Variants in APC observed in about 807,000 individuals in gnomAD.
APC encodes APC regulator of Wnt signaling pathway.
In APC, 72 loss-of-function variants were observed where a neutral mutation model predicts 247.0. That is an observed-to-expected ratio of 0.29 (90% confidence interval 0.24 to 0.35). The LOEUF is 0.35. Ranked by LOEUF, APC falls within the 10% of genes least tolerant of loss-of-function variation. The pLI is 1.00. For synonymous variants in APC, 1,254 were observed against 1,162.5 expected (o/e 1.08, Z -1.60); for missense variants, 3,400 against 3,360.7 (o/e 1.01, Z -0.29).
chr5:112,760,381 C>T (rs1175248418), intron 2 of APC, among the ~76,000 whole-genome samples: 1 of 152,146 alleles, frequency 6.6e-6, no homozygotes, highest in Non-Finnish European at 1.5e-5. Flanking sequence ...CAGGCGAAGT[C>T]CTGCTAGAGG....
At position 112,727,482 on chromosome 5, in the gene APC, A is replaced by G. The variant is rs1219211855; in HGVS notation, c.165+19600A>G. Among the ~76,000 whole-genome samples, 3 of 152,324 alleles carry G rather than the reference A, an allele frequency of 2.0e-5. No homozygotes were observed. In the East Asian group the frequency reaches 5.8e-4, roughly 29 times the overall value. On this transcript the variant is annotated intron_variant, in intron 1 of 13. Coordinates refer to the APC transcript ENST00000507379. ...GCTTTGGTTTCAAGTTCTAAATGCC[A>G]TTACTATGCCCTATATTTATTCTTT...
At chr5:112,812,200 A>T (rs1237636320) in intron 8 of APC, among the ~76,000 whole-genome samples, 1 of 152,198 alleles carries the variant, frequency 6.6e-6, no homozygotes, top group African/African-American at 2.4e-5. Flanking sequence ...AGGGGAAGGG[A>T]TTACAAAAAC....
At chr5:112,809,121 G>A (rs1373926824) in intron 8 of APC, among the ~76,000 whole-genome samples, 4 of 151,944 alleles carry the variant, frequency 2.6e-5, no homozygotes, top group Non-Finnish European at 5.9e-5. Context: ...GGAAGCAAAG[G>A]CAGGTGGATC....
chr5:112,810,486 C>G (rs559978462), intron 8 of APC, among the ~76,000 whole-genome samples: 18 of 152,106 alleles, frequency 1.2e-4, no homozygotes, highest in Non-Finnish European at 2.4e-4. Context: ...ACAAGGGAAA[C>G]AAAAAGATGG....
Position 112,707,958 on chromosome 5 carries a change from C to T in APC, c.165+76C>T, listed in dbSNP as rs913537999. The T allele has an allele frequency of 5.5e-6, 7 of 1,274,542 alleles. No individual in the cohort carries two copies. In the African/African-American group the frequency reaches 1.0e-4, roughly 19 times the overall value. The allele number at this position is 1,274,542 out of a possible 1,614,324, so 79.0% of individuals were successfully genotyped here. A position where few individuals can be genotyped will look rare whatever the true frequency, so the allele number is the denominator to read the frequency against. On this transcript the variant is annotated intron_variant, in intron 1 of 13. Coordinates refer to the APC transcript ENST00000507379. ...CTTTGCCCCGCCGCTGCTCGGGACC[C>T]TACGGTGCTCGGCCCGACTCTGTGG...
chr5:112,776,324 A>C (rs1423167101), intron 5 of APC, among the ~76,000 whole-genome samples: 1 of 152,228 alleles, frequency 6.6e-6, no homozygotes, highest in African/African-American at 2.4e-5. Context: ...TAAAACATAT[A>C]CTGAAAAGAT....
chr5:112,780,908 G>A lies in APC; in HGVS notation c.645+5G>A. 6.3e-7 allele frequency: 1 copy of A among 1,575,606 alleles called. No homozygotes were observed. Among genetic ancestry groups the A allele is most frequent in the Non-Finnish European group, 8.7e-7 (1 of 1,146,670 alleles). On this transcript the variant is annotated splice_donor_5th_base_variant and intron_variant, in intron 6 of 15. Coordinates refer to ENST00000257430, the MANE Select transcript of APC (RefSeq NM_000038.6). ...GATATGGAAAAACGAGCACAGGTAA[G>A]TTACTTGTTTCTAAGTGATAAAACA...
At position 112,792,464 on chromosome 5, in the gene APC, C is replaced by A; in HGVS notation, c.664C>A (p.Gln222Lys). The change falls in exon 7 of 16, where the codon CAG becomes AAG. Residue 222 changes from glutamine to lysine, a missense_variant. This residue lies in a region of APC where 372 missense variants were observed against 367.6 expected (regional missense o/e 1.01). Transcript: ENST00000257430. ...KRAQRRIARI[Q>K]QIEKDILRIR... ...ATTTTAGCGAAGAATAGCCAGAATTCAGCAAATCGAAAAGGACATACTTCG... is the reference window on the plus strand; with the variant it reads ...ATTTTAGCGAAGAATAGCCAGAATTAAGCAAATCGAAAAGGACATACTTCG... The A allele has an allele frequency of 1.2e-6, 2 of 1,610,438 alleles. No homozygotes were observed. The highest frequency in any genetic ancestry group is 2.2e-5 in the South Asian group (2 of 90,524).
At chr5:112,811,402 A>T (rs2431508) in intron 8 of APC, among the ~76,000 whole-genome samples, 2 of 152,132 alleles carry the variant, frequency 1.3e-5, no homozygotes, top group African/African-American at 4.8e-5. Flanking sequence ...TTTCTTGTGG[A>T]TAGGGAGACT....
At position 112,841,872 on chromosome 5, in the gene APC, C is replaced by G; in HGVS notation, c.6278C>G (p.Ser2093Cys). 1 of 1,613,864 alleles carries G rather than the reference C, an allele frequency of 6.2e-7. No individual in the cohort carries two copies. Among genetic ancestry groups the G allele is most frequent in the Non-Finnish European group, 8.5e-7 (1 of 1,179,834 alleles). The part of the protein sequence containing the change: ...IQRPDSEHGL[S>C]PDSENFDWKA... ...AGACCAGATTCAGAACATGGTCTAT[C>G]CCCTGATTCAGAAAATTTTGATTGG... The change falls in exon 16 of 16, where the codon TCC becomes TGC. Residue 2093 changes from serine (S) to cysteine (C), a missense_variant. Around this residue, in one of 9 missense-constraint regions of APC, gnomAD observed 1,788 missense variants for 1,649.5 expected, o/e 1.08. Transcript: ENST00000257430. This position sits in a 1 kb window ranked among gnomAD's most constrained non-coding sequence, Gnocchi z 4.6.
At chr5:112,806,152 C>G (rs183847001) in intron 8 of APC, among the ~76,000 whole-genome samples, 5 of 152,298 alleles carry the variant, frequency 3.3e-5, no homozygotes, top group South Asian at 4.1e-4. Context: ...GCTTAAGCAC[C>G]AGTTTCTCAG....
chr5:112,818,855 G>GGTGTTTTGTTTTTT, intron 9 of APC, 111 bp from the exon 10 acceptor site: 7 of 1,118,292 alleles, frequency 6.3e-6, no homozygotes, highest in South Asian at 4.1e-5. Flanking sequence ...GGCGGGGGGG[G>GGTGTTTTGTTTTTT]TTGTTTTGTT....
In APC at chr5:112,707,695, C is replaced by T. The variant is rs747101141; in HGVS notation, c.-23C>T. 7.3e-7 allele frequency: 1 copy of T among 1,370,630 alleles called. No individual in the cohort carries two copies. The highest frequency in any genetic ancestry group is 1.2e-5 in the South Asian group (1 of 81,726). 84.9% of individuals were successfully genotyped at this position (1,370,630 alleles called of 1,614,324 possible). A position where few individuals can be genotyped will look rare whatever the true frequency, so the allele number is the denominator to read the frequency against. ...TGAGGAAGGTGAAGCACTCAGTTGCCTTCTCGGGCCTCGGCGCCCCCTATG... is the reference window on the plus strand; with the variant it reads ...TGAGGAAGGTGAAGCACTCAGTTGCTTTCTCGGGCCTCGGCGCCCCCTATG... On this transcript the variant is annotated 5_prime_UTR_variant, in exon 1 of 14. Transcript: ENST00000507379.
rs370876773 is a variant in APC, at chr5:112,737,994, T to G, written c.-19+69T>G. 8.5e-5 allele frequency: 80 copies of G among 936,056 alleles called. No homozygotes were observed. In the South Asian group the frequency reaches 3.7e-3, roughly 43 times the overall value. 58.0% of individuals were successfully genotyped at this position (936,056 alleles called of 1,614,324 possible). On this transcript the variant is annotated intron_variant, in intron 1 of 15. Coordinates refer to ENST00000257430, the MANE Select transcript of APC (RefSeq NM_000038.6). ...GGGGGAAGGTGGTTTTCCCTCGCAC[T>G]GTCTTAAACCGATGGCCTTTCCTTG... is the stretch of plus-strand genomic sequence containing the variant.
intron 6 of APC, among the ~76,000 whole-genome samples, chr5:112,786,109 G>A (rs1352688632): frequency 1.3e-5 from 2 of 152,110 alleles, no homozygotes; most frequent in Non-Finnish European, 2.9e-5. Flanking sequence ...TTCAGAGAGG[G>A]GGTTTTGCTG....
At position 112,812,252 on chromosome 5, in the gene APC, T is replaced by C. The variant is rs7725485; in HGVS notation, c.835-3243T>C. ...GCAAAGATCTATCTTAGAGGCTACC[T>C]ACAAACAGTAAAAATATTTAGACAT... On this transcript the variant is annotated intron_variant, in intron 8 of 15. Coordinates refer to ENST00000257430, the MANE Select transcript of APC (RefSeq NM_000038.6). 8.2e-3 allele frequency among the ~76,000 whole-genome samples: 1,248 copies of C among 152,326 alleles called. 18 individuals are homozygous for C. The highest frequency in any genetic ancestry group is 0.029 in the African/African-American group (1,185 of 41,564).
At chr5:112,809,283 A>G (rs912030540) in intron 8 of APC, among the ~76,000 whole-genome samples, 1 of 152,138 alleles carries the variant, frequency 6.6e-6, no homozygotes, top group African/African-American at 2.4e-5. Flanking sequence ...TGGAAGGTCA[A>G]GACTGCAGTA....
chr5:112,838,070 T>G lies in APC; in HGVS notation c.2476T>G (p.Leu826Val), dbSNP rs145245264. ...TGNMTVLSPY[L>V]NTTVLPSSSS... ...CAACATGACTGTCCTTTCACCATAT[T>G]TGAATACTACAGTGTTACCCAGCTC... Residue 826 changes from leucine (L) to valine (V), a missense_variant, in exon 16 of 16, where the codon TTG (leucine) becomes GTG (valine). This residue lies in a region of APC where 715 missense variants were observed against 656.6 expected (regional missense o/e 1.09). Transcript: ENST00000257430. 115 of 1,614,206 alleles carry G rather than the reference T, an allele frequency of 7.1e-5. No individual in the cohort carries two copies. The African/African-American group carries it at 1.5e-3, about 21-fold the overall frequency.
Position 112,838,513 on chromosome 5 carries a change from T to C in APC, c.2919T>C (p.Tyr973=), listed in dbSNP as rs756609845. 3.7e-6 allele frequency: 6 copies of C among 1,614,104 alleles called. No homozygotes were observed. Among genetic ancestry groups the C allele is most frequent in the Non-Finnish European group, 5.1e-6 (6 of 1,180,044 alleles). The change falls in exon 16 of 16, where the codon TAT becomes TAC. Residue 973 remains tyrosine (Y), a synonymous_variant. Coordinates refer to ENST00000257430, the MANE Select transcript of APC (RefSeq NM_000038.6). ...ATAGTGTCAGTAGTAGTGATGGTTA[T>C]GGTAAAAGAGGTCAAATGAAACCCT... ...SLNSVSSSDG[Y]GKRGQMKPSI...
Sources: allele counts gnomAD v4.1 joint callset (sites outside exome capture counted in the v4.1 genomes callset), GRCh38; gene constraint gnomAD v4.1.1; regional missense constraint gnomAD v4.1.1; non-coding constraint Gnocchi (gnomAD v3.1); transcripts MANE v1.5; gene names NCBI Gene and HGNC (gene_info 2026-07-23, HGNC 2026-07-21).